Variants in RBM25 observed in about 807,000 individuals in gnomAD.
RBM25 encodes the protein RNA-binding protein 25.
In RBM25, 19 loss-of-function variants were observed where a neutral mutation model predicts 120.7. That is an observed-to-expected ratio of 0.16 (90% confidence interval 0.11 to 0.23). RBM25 has a LOEUF of 0.23. Among genes scored for constraint, RBM25 ranks in the 10% least tolerant of loss-of-function variants. The pLI is 1.00. For synonymous variants in RBM25, 390 were observed against 326.7 expected (o/e 1.19, Z -2.09); for missense variants, 605 against 1,041.5 (o/e 0.58, Z 5.77).
intron 2 of RBM25, among the ~76,000 whole-genome samples, chr14:73,075,641 T>C (rs1048007500): frequency 3.3e-5 from 5 of 152,240 alleles, no homozygotes; most frequent in Admixed American, 3.3e-4. Flanking sequence ...AATGACTAAA[T>C]TGAGCTAATT....
intron 9 of RBM25, chr14:73,100,363 G>A: frequency 1.5e-6 from 1 of 660,342 alleles, no homozygotes; most frequent in Non-Finnish European, 2.8e-6. Flanking sequence ...GGAATAGGAT[G>A]TAAGTATGAG....
rs1896021943 is a variant in RBM25, at chr14:73,099,759, C to T, written c.867+9C>T. The T allele has an allele frequency of 6.3e-7, 1 of 1,594,216 alleles. No individual in the cohort carries two copies. The highest frequency in any genetic ancestry group is 8.5e-7 in the Non-Finnish European group (1 of 1,174,614). On this transcript the variant is annotated intron_variant, in intron 9 of 18. Coordinates refer to ENST00000261973, the MANE Select transcript of RBM25 (RefSeq NM_021239.3). ...TCAGAGACACACATAAGGTAGTATT[C>T]TTGTCTTTTCACTTGATACCAATCT... is the stretch of plus-strand genomic sequence containing the variant.
chr14:73,110,009 T>A (rs1405771480), intron 14 of RBM25, among the ~76,000 whole-genome samples: 3 of 151,492 alleles, frequency 2.0e-5, no homozygotes, highest in African/African-American at 7.3e-5. Flanking sequence ...CTCAGCCTCC[T>A]GAGTAGCTGG....
intron 6 of RBM25, among the ~76,000 whole-genome samples, chr14:73,091,119 T>C (rs1434793446): frequency 6.6e-6 from 1 of 152,232 alleles, no homozygotes; most frequent in Non-Finnish European, 1.5e-5. Flanking sequence ...TTTGTAGCAT[T>C]TGCAAATGTT....
intron 17 of RBM25, 126 bp downstream of exon 17, chr14:73,112,376 A>T (rs1186822060): frequency 3.4e-6 from 3 of 892,264 alleles, no homozygotes; most frequent in Non-Finnish European, 4.7e-6. Context: ...TAAGTGATTT[A>T]TATCTGCTTT....
intron 1 of RBM25, among the ~76,000 whole-genome samples, chr14:73,070,353 A>G (rs1438222219): frequency 1.3e-5 from 2 of 152,136 alleles, no homozygotes; most frequent in African/African-American, 4.8e-5. Context: ...CACTGCAACC[A>G]ACCTGTTCTT....
In RBM25 at chr14:73,097,100, C is replaced by G. The variant is rs538637783; in HGVS notation, c.729C>G (p.Asp243Glu). 6.2e-7 allele frequency: 1 copy of G among 1,603,714 alleles called. No homozygotes were observed. The highest frequency in any genetic ancestry group is 8.5e-7 in the Non-Finnish European group (1 of 1,175,802). Residue 243 changes from aspartate (D) to glutamate (E), a missense_variant and splice_region_variant, in exon 7 of 19, where the codon GAC (aspartate) becomes GAG (glutamate). Coordinates refer to ENST00000261973, the MANE Select transcript of RBM25 (RefSeq NM_021239.3). ...PRKKKKEKKE[D>E]IFRRFPVAPL... ...AGAAGAAGAAGGAAAAGAAGGAGGA[C>G]GTATGTGTTCTGACAACAACATATC...
chr14:73,119,370 A>G (rs1193620849), intron 18 of RBM25, among the ~76,000 whole-genome samples: 2 of 152,022 alleles, frequency 1.3e-5, no homozygotes, highest in South Asian at 2.1e-4. Flanking sequence ...GGTTCACGTC[A>G]TTCTCCTGCC....
Position 73,099,756 on chromosome 14 carries a change from A to G in RBM25, c.867+6A>G, listed in dbSNP as rs891577226. The G allele has an allele frequency of 8.1e-6, 13 of 1,597,112 alleles. No individual in the cohort carries two copies. In the Admixed American group the frequency reaches 1.5e-4, roughly 18 times the overall value. ...AATTCAGAGACACACATAAGGTAGTATTCTTGTCTTTTCACTTGATACCAA... is the reference window on the plus strand; with the variant it reads ...AATTCAGAGACACACATAAGGTAGTGTTCTTGTCTTTTCACTTGATACCAA... On this transcript the variant is annotated splice_donor_region_variant and intron_variant, in intron 9 of 18. Transcript: ENST00000261973.
chr14:73,087,649 C>T (rs1895719906), intron 5 of RBM25, among the ~76,000 whole-genome samples: 1 of 152,190 alleles, frequency 6.6e-6, no homozygotes, highest in Non-Finnish European at 1.5e-5. Flanking sequence ...CCCGCCTCGG[C>T]CTCCCAAAGT....
At position 73,110,910 on chromosome 14, in the gene RBM25, A is replaced by G. The variant is rs2140462315; in HGVS notation, c.1772A>G (p.Gln591Arg). 6.2e-7 allele frequency: 1 copy of G among 1,611,610 alleles called. No homozygotes were observed. Among genetic ancestry groups the G allele is most frequent in the South Asian group, 1.1e-5 (1 of 90,766 alleles). ...PESEEEEEEK[Q>R]EKEEKREEPM... ...TCAGAAGAGGAGGAAGAAGAAAAGC[A>G]AGAAAAAGAAGAAAAACGAGAAGAA... is the stretch of plus-strand genomic sequence containing the variant. Residue 591 changes from glutamine (Q) to arginine (R), a missense_variant, in exon 15 of 19, where the codon CAA (glutamine) becomes CGA (arginine). Gln to Arg is a conservative substitution (Grantham distance 43). Transcript: ENST00000261973.
chr14:73,110,815 A>G lies in RBM25; in HGVS notation c.1693-16A>G. 6.3e-7 allele frequency: 1 copy of G among 1,590,196 alleles called. No individual in the cohort carries two copies. The highest frequency in any genetic ancestry group is 1.2e-5 in the South Asian group (1 of 86,500). ...GTGTAGAGTTGTAGTTAATCAGATT[A>G]TTGTTTGGGTTTTAGATGGAACAAG... On this transcript the variant is annotated splice_polypyrimidine_tract_variant and intron_variant, in intron 14 of 18. Transcript: ENST00000261973.
intron 10 of RBM25, among the ~76,000 whole-genome samples, chr14:73,103,994 A>ACACACACTCTCT (rs1339176135): frequency 2.0e-5 from 2 of 99,390 alleles, no homozygotes; most frequent in Non-Finnish European, 3.9e-5. Context: ...ACACACACAC[A>ACACACACTCTCT]CTCTCTCTCT....
At chr14:73,083,812 A>G (rs932081177) in intron 5 of RBM25, among the ~76,000 whole-genome samples, 4 of 152,332 alleles carry the variant, frequency 2.6e-5, no homozygotes, top group South Asian at 2.1e-4. Context: ...TGTTCTTTCA[A>G]AAGTCTCTTT....
chr14:73,105,126 CTTTTTTT>C (rs34862161), intron 10 of RBM25, among the ~76,000 whole-genome samples: 1 of 109,564 alleles, frequency 9.1e-6, no homozygotes, highest in African/African-American at 3.8e-5. Context: ...GGTTTTATTA[CTTTTTTT>C]TTTTTTTTTT....
rs188887029 is a variant in RBM25 at position 73,077,859 on chromosome 14, A to G, written c.324+323A>G. On this transcript the variant is annotated intron_variant, in intron 4 of 18. Transcript: ENST00000261973. ...CATTCTGCGACATAATCACAATGCCACTATCACACATGAAATTTGGCCGGG... is the reference window on the plus strand; with the variant it reads ...CATTCTGCGACATAATCACAATGCCGCTATCACACATGAAATTTGGCCGGG... Among the ~76,000 whole-genome samples the G allele has an allele frequency of 4.6e-5, 7 of 152,346 alleles. No individual in the cohort carries two copies. In the East Asian group the frequency reaches 1.2e-3, roughly 25 times the overall value.
At chr14:73,097,478 C>T (rs1326713663) in intron 7 of RBM25, among the ~76,000 whole-genome samples, 3 of 152,062 alleles carry the variant, frequency 2.0e-5, no homozygotes, top group African/African-American at 4.8e-5. Flanking sequence ...GGATTACAGG[C>T]GTGAGCCACC....
At chr14:73,089,389 CTG>C (rs1895758916) in intron 6 of RBM25, among the ~76,000 whole-genome samples, 1 of 152,110 alleles carries the variant, frequency 6.6e-6, no homozygotes, top group African/African-American at 2.4e-5. Flanking sequence ...CAGAGTCTCT[CTG>C]TCGTTCAGGC....
intron 11 of RBM25, 53 bp downstream of exon 11, chr14:73,106,134 A>G: frequency 6.3e-7 from 1 of 1,584,832 alleles, no homozygotes; most frequent in Admixed American, 1.9e-5. Flanking sequence ...TTAATAGGTT[A>G]ATCAATATTT....
Sources: allele counts gnomAD v4.1 joint callset (sites outside exome capture counted in the v4.1 genomes callset), GRCh38; gene constraint gnomAD v4.1.1; transcripts MANE v1.5; gene names NCBI Gene and HGNC (gene_info 2026-07-23, HGNC 2026-07-21).